COL4A3: variants seen among roughly 807,000 people sequenced by gnomAD.
COL4A3 encodes the protein collagen type IV alpha 3 chain.
Under a neutral mutation model 217.4 loss-of-function variants are expected in COL4A3, and 135 were observed. The ratio of observed to expected loss-of-function variants is 0.62; its 90% CI spans 0.54 to 0.72. COL4A3 has a LOEUF of 0.72. COL4A3 is among the 30% of genes least tolerant of loss of function. COL4A3 has a pLI of 0.00. For missense variants in COL4A3, 1,868 were observed against 2,119.9 expected (o/e 0.88, Z 2.33); for synonymous variants, 690 against 736.3 (o/e 0.94, Z 1.02).
At chr2:227,287,174 C>T (rs1236088248) in intron 34 of COL4A3, among the ~76,000 whole-genome samples, 2 of 152,218 alleles carry the variant, frequency 1.3e-5, no homozygotes, top group Non-Finnish European at 2.9e-5. Context: ...TGGCTCACGC[C>T]TGTAATCCCA....
intron 2 of COL4A3, among the ~76,000 whole-genome samples, chr2:227,238,620 CTTTG>C (rs1157429946): frequency 6.6e-6 from 1 of 152,102 alleles, no homozygotes; most frequent in East Asian, 1.9e-4. Flanking sequence ...AAGTTTTTTT[CTTTG>C]TTTACCAAAC....
At chr2:227,218,049 T>A (rs182714783) in intron 1 of COL4A3, among the ~76,000 whole-genome samples, 29 of 121,648 alleles carry the variant, frequency 2.4e-4, no homozygotes, top group Admixed American at 7.9e-4. Flanking sequence ...ATAACTATAT[T>A]TAACTATATA....
chr2:227,303,131 T>C (rs374985185), intron 44 of COL4A3, 21 bp downstream of exon 44: 31 of 1,595,514 alleles, frequency 1.9e-5, no homozygotes, highest in African/African-American at 1.9e-4. Context: ...TGTGCATTGC[T>C]CTTTATATGC....
chr2:227,291,094 C>T (rs938825692), intron 37 of COL4A3: 47 of 570,196 alleles, frequency 8.2e-5, no homozygotes, highest in African/African-American at 1.9e-4. Flanking sequence ...CTCTTTCAGT[C>T]ACCAAGGAAT....
intron 11 of COL4A3, among the ~76,000 whole-genome samples, chr2:227,252,462 C>T (rs1026969153): frequency 2.6e-5 from 4 of 151,852 alleles, no homozygotes; most frequent in Non-Finnish European, 5.9e-5. Context: ...GTGATCCGCC[C>T]GCCTCAGCCT....
chr2:227,266,374 A>G, intron 21 of COL4A3, 43 bp from the exon 22 acceptor site: 1 of 1,463,648 alleles, frequency 6.8e-7, no homozygotes, highest in South Asian at 1.2e-5. Context: ...CTAATTGAAA[A>G]AAACACAAAT....
chr2:227,291,366 A>G (rs1329107145), intron 37 of COL4A3, among the ~76,000 whole-genome samples: 1 of 151,934 alleles, frequency 6.6e-6, no homozygotes, highest in East Asian at 1.9e-4. Flanking sequence ...GATCGAGACC[A>G]TCTTGGCTAA....
intron 1 of COL4A3, among the ~76,000 whole-genome samples, chr2:227,170,604 A>G (rs955635107): frequency 6.6e-6 from 1 of 152,106 alleles, no homozygotes; most frequent in Admixed American, 6.5e-5. Context: ...AGTCCCTCCC[A>G]CAACACATAG....
At chr2:227,169,549 C>T (rs2125633398) in intron 1 of COL4A3, among the ~76,000 whole-genome samples, 1 of 152,058 alleles carries the variant, frequency 6.6e-6, no homozygotes, top group East Asian at 1.9e-4. Context: ...CTCTCCAGCA[C>T]CTGTTGTTTC....
At chr2:227,169,312 C>T (rs2065393734) in intron 1 of COL4A3, 1 of 151,270 alleles carries the variant, frequency 6.6e-6, no homozygotes. Flanking sequence ...TGGGTTGGTT[C>T]CAAGTCTTTG....
At chr2:227,199,151 T>G (rs1469642796) in intron 1 of COL4A3, among the ~76,000 whole-genome samples, 2 of 152,306 alleles carry the variant, frequency 1.3e-5, no homozygotes, top group Non-Finnish European at 2.9e-5. Context: ...TACCAGTAAG[T>G]CAAGGTTGGT....
intron 1 of COL4A3, among the ~76,000 whole-genome samples, chr2:227,186,134 C>T (rs1169383662): frequency 6.6e-6 from 1 of 152,176 alleles, no homozygotes; most frequent in Non-Finnish European, 1.5e-5. Flanking sequence ...TGCCCCCCAC[C>T]CTTGGGGTGG....
At chr2:227,208,618 G>A (rs554205505) in intron 1 of COL4A3, among the ~76,000 whole-genome samples, 15 of 152,194 alleles carry the variant, frequency 9.9e-5, no homozygotes, top group Middle Eastern at 3.4e-3. Context: ...CCAAATGTTC[G>A]GGGAGACTGA....
chr2:227,256,639 G>GA (rs1346373663), intron 17 of COL4A3: 4 of 687,166 alleles, frequency 5.8e-6, no homozygotes, highest in Non-Finnish European at 1.1e-5. Context: ...TAGGACCAGT[G>GA]AGAGTGCAGC....
At position 227,263,924 on chromosome 2, in the gene COL4A3, C is replaced by T. The variant is rs534253913; in HGVS notation, c.1295C>T (p.Pro432Leu). The T allele has an allele frequency of 4.2e-5, 68 of 1,614,132 alleles. No homozygotes were observed. The East Asian group carries it at 8.5e-4, about 20-fold the overall frequency. Residue 432 changes from proline to leucine, a missense_variant, in exon 21 of 52, where the codon CCG (proline) becomes CTG (leucine). Pro to Leu is a moderately conservative substitution (Grantham distance 98). This residue lies in a region of COL4A3 where 1,503 missense variants were observed against 1,786.1 expected (regional missense o/e 0.84). Coordinates refer to ENST00000396578, the MANE Select transcript of COL4A3 (RefSeq NM_000091.5). ...CAGSPGLPGS[P>L]GPPGPPGDIV... ...GGTTCACCAGGTCTTCCAGGATCAC[C>T]GGGACCTCCAGGACCGCCAGGTAAA...
rs55849096 is a variant in COL4A3, at chr2:227,290,876, C to G, written c.3200C>G (p.Pro1067Arg). The part of the protein sequence containing the change: ...GYSEGTRPGP[P>R]GPTGDPGLPG... ...TCAGAAGGTACAAGGCCAGGACCAC[C>G]GGGACCAACGGTATATAGGCCACTG... is the stretch of plus-strand genomic sequence containing the variant. Residue 1067 changes from proline to arginine, a missense_variant, in exon 37 of 52, where the codon CCG (proline) becomes CGG (arginine). Physicochemically the swap from Pro to Arg is moderately radical, Grantham distance 103. Coordinates refer to ENST00000396578, the MANE Select transcript of COL4A3 (RefSeq NM_000091.5). 89 of 1,611,952 alleles carry G rather than the reference C, an allele frequency of 5.5e-5. No individual in the cohort carries two copies. The African/African-American group carries it at 9.5e-4, about 17-fold the overall frequency.
chr2:227,276,396 G>C lies in COL4A3; in HGVS notation c.1939G>C (p.Glu647Gln). The C allele has an allele frequency of 6.2e-7, 1 of 1,613,980 alleles. No homozygotes were observed. The highest frequency in any genetic ancestry group is 8.5e-7 in the Non-Finnish European group (1 of 1,179,872). Residue 647 changes from glutamate to glutamine, a missense_variant, in exon 27 of 52, where the codon GAG (glutamate) becomes CAG (glutamine). Physicochemically the swap from Glu to Gln is conservative, Grantham distance 29 (BLOSUM62 2). Coordinates refer to ENST00000396578, the MANE Select transcript of COL4A3 (RefSeq NM_000091.5). ...GPPGEAGPRG[E>Q]LSVSTPVPGP... The stretch of plus-strand genomic sequence containing the variant: ...CAAATTTCCTTAAGGCCCTAGGGGA[G>C]AGCTCAGTGTTTCAACACCAGTTCC...
chr2:227,260,110 A>C (rs1231884469), intron 19 of COL4A3: 1 of 687,392 alleles, frequency 1.5e-6, no homozygotes, highest in African/African-American at 1.8e-5. Context: ...CATAAAGTTC[A>C]AATCTGTCAT....
At chr2:227,181,871 A>G (rs918322355) in intron 1 of COL4A3, among the ~76,000 whole-genome samples, 2 of 152,184 alleles carry the variant, frequency 1.3e-5, no homozygotes, top group Non-Finnish European at 2.9e-5. Context: ...TAATTTTTTT[A>G]TACTGCAAGT....
Sources: allele counts gnomAD v4.1 joint callset (sites outside exome capture counted in the v4.1 genomes callset), GRCh38; gene constraint gnomAD v4.1.1; regional missense constraint gnomAD v4.1.1; transcripts MANE v1.5; gene names NCBI Gene and HGNC (gene_info 2026-07-23, HGNC 2026-07-21).